Variants in AMMECR1 observed in about 807,000 individuals in gnomAD.
The protein encoded by AMMECR1 is AMMECR nuclear protein 1.
In AMMECR1, 3 loss-of-function variants were observed where a neutral mutation model predicts 22.5. That is an observed-to-expected ratio of 0.13 (90% CI 0.06 to 0.35). AMMECR1 has a LOEUF of 0.35. AMMECR1 is among the 10% of genes least tolerant of loss of function. The pLI is 1.00. For missense variants in AMMECR1, 235 were observed against 278.7 expected (o/e 0.84, Z 1.12); for synonymous variants, 130 against 116.7 (o/e 1.11, Z -0.74).
At chrX:110,428,059 T>G (rs1466138664) in intron 1 of AMMECR1, among the ~76,000 whole-genome samples, 2 of 112,393 alleles carry the variant, frequency 1.8e-5, no homozygotes, top group African/African-American at 3.2e-5. Context: ...TGTTCTTCTC[T>G]GGTTAGTTGT....
intron 2 of AMMECR1, among the ~76,000 whole-genome samples, chrX:110,356,406 C>T (rs761325935): frequency 1.2e-4 from 13 of 110,180 alleles, no homozygotes; most frequent in South Asian, 3.9e-4. Flanking sequence ...CCACCTGCCT[C>T]GGCCTCCCAA....
chrX:110,211,224 T>C (rs1156581513), intron 3 of AMMECR1, among the ~76,000 whole-genome samples: 1 of 112,626 alleles, frequency 8.9e-6, no homozygotes, highest in Non-Finnish European at 1.9e-5. Context: ...GATTACAATT[T>C]AGAAAATATT....
chrX:110,324,643 TGA>T (rs752354863), intron 2 of AMMECR1, among the ~76,000 whole-genome samples: 74 of 104,788 alleles, frequency 7.1e-4, no homozygotes, highest in Non-Finnish European at 1.4e-3. Flanking sequence ...GGTAGTTTGT[TGA>T]GTGTTTTTTT....
chrX:110,339,423 A>C (rs2068154549), intron 2 of AMMECR1, among the ~76,000 whole-genome samples: 2 of 108,134 alleles, frequency 1.8e-5, no homozygotes, highest in Admixed American at 9.9e-5. Context: ...AAAAAAAAAA[A>C]AACAAAAAAA....
intron 2 of AMMECR1, chrX:110,219,595 T>G: frequency 4.0e-6 from 3 of 751,578 alleles, no homozygotes; most frequent in Non-Finnish European, 4.7e-6. Flanking sequence ...AGCCTTGTTG[T>G]TTGTTCACTC....
At chrX:110,400,133 A>C (rs2068554314) in intron 2 of AMMECR1, among the ~76,000 whole-genome samples, 2 of 108,597 alleles carry the variant, frequency 1.8e-5, no homozygotes, top group Non-Finnish European at 3.8e-5. Flanking sequence ...AAGTTTTGGC[A>C]GCGCAGTAAA....
At chrX:110,274,260 G>T (rs2067814226) in intron 1 of AMMECR1, among the ~76,000 whole-genome samples, 2 of 111,972 alleles carry the variant, frequency 1.8e-5, no homozygotes, top group African/African-American at 6.5e-5. Context: ...TGTCAGTTAG[G>T]TCCAGTTGGT....
chrX:110,284,450 T>C (rs1266514787), intron 1 of AMMECR1, among the ~76,000 whole-genome samples: 1 of 112,099 alleles, frequency 8.9e-6, no homozygotes, highest in Non-Finnish European at 1.9e-5. Flanking sequence ...AAACCTAACA[T>C]CAGGGTAGCT....
chrX:110,414,514 A>G (rs1261167423), intron 2 of AMMECR1, among the ~76,000 whole-genome samples: 1 of 113,239 alleles, frequency 8.8e-6, no homozygotes, highest in Non-Finnish European at 1.9e-5. Context: ...TAATCCTGCC[A>G]GCAGCCCTGC....
At chrX:110,388,232 C>CT (rs1161632797) in intron 2 of AMMECR1, among the ~76,000 whole-genome samples, 1 of 111,722 alleles carries the variant, frequency 9.0e-6, no homozygotes, top group East Asian at 2.8e-4. Context: ...TCAAGTTTTT[C>CT]TATGAAAGCC....
At chrX:110,369,770 T>G (rs2148260294) in intron 2 of AMMECR1, among the ~76,000 whole-genome samples, 1 of 112,206 alleles carries the variant, frequency 8.9e-6, no homozygotes, top group African/African-American at 3.2e-5. Flanking sequence ...TACACACTAT[T>G]TTTTATATTT....
chrX:110,418,287 A>G (rs765138105), intron 2 of AMMECR1, among the ~76,000 whole-genome samples: 3 of 112,316 alleles, frequency 2.7e-5, no homozygotes, highest in Admixed American at 9.4e-5. Flanking sequence ...CTCTGCCCCA[A>G]AGGCTTTTCA....
chrX:110,235,493 A>C (rs976779205), intron 2 of AMMECR1, among the ~76,000 whole-genome samples: 14 of 112,603 alleles, frequency 1.2e-4, no homozygotes, highest in Admixed American at 1.1e-3. Flanking sequence ...ATATACCCAA[A>C]GGATTATAAA....
intron 2 of AMMECR1, among the ~76,000 whole-genome samples, chrX:110,242,520 C>T (rs1334010705): frequency 1.8e-5 from 2 of 111,845 alleles, no homozygotes; most frequent in Admixed American, 9.5e-5. Context: ...TCTTTATATG[C>T]TGGGTTAATC....
At position 110,200,992 on chromosome X, in the gene AMMECR1, C is replaced by A; in HGVS notation, c.849G>T (p.Pro283=). 8.3e-7 allele frequency: 1 copy of A among 1,208,925 alleles called. No individual in the cohort carries two copies. The highest frequency in any genetic ancestry group is 1.1e-6 in the Non-Finnish European group (1 of 893,359). The change falls in exon 5 of 6, where the codon CCG becomes CCT. Residue 283 remains proline, a synonymous_variant. Transcript: ENST00000262844. ...TGGTTTTCCTGAATTCATTAGTAAT[C>A]GGAGCTTTGTATCCTCCTTTCCTCA... is the stretch of plus-strand genomic sequence containing the variant. ...SLLRKGGYKA[P]ITNEFRKTIK...
chrX:110,319,489 T>C (rs1057439424), upstream of AMMECR1, among the ~76,000 whole-genome samples: 18 of 112,223 alleles, frequency 1.6e-4, no homozygotes, highest in Middle Eastern at 4.6e-3. Context: ...TATACTTCTG[T>C]TGAAATCCAG....
chrX:110,370,349 C>T (rs1017730978), intron 2 of AMMECR1, among the ~76,000 whole-genome samples: 5 of 111,569 alleles, frequency 4.5e-5, no homozygotes, highest in Non-Finnish European at 9.4e-5. Flanking sequence ...GCTAGGATTA[C>T]AGGCACCTGC....
chrX:110,318,142 G>C, upstream of AMMECR1: 2 of 957,981 alleles, frequency 2.1e-6, no homozygotes, highest in Non-Finnish European at 2.6e-6. Flanking sequence ...GGGCGAGCAC[G>C]CTGCGGCTCA....
Position 110,364,583 on chromosome X carries a change from T to G in AMMECR1, c.-147-46734A>C, listed in dbSNP as rs2068284899. ...ACATTTTGGCTTCCAAATTATTGCCTTATAAGTTTAGGTTGTGTGAAATTT... is the reference window on the plus strand; with the variant it reads ...ACATTTTGGCTTCCAAATTATTGCCGTATAAGTTTAGGTTGTGTGAAATTT... On this transcript the variant is annotated intron_variant, in intron 2 of 7. Coordinates refer to the AMMECR1 transcript ENST00000372057. 4.5e-5 allele frequency among the ~76,000 whole-genome samples: 5 copies of G among 111,456 alleles called. No individual in the cohort carries two copies. In the Admixed American group the frequency reaches 4.8e-4, roughly 11 times the overall value.
Sources: allele counts gnomAD v4.1 joint callset (sites outside exome capture counted in the v4.1 genomes callset), GRCh38; gene constraint gnomAD v4.1.1; transcripts MANE v1.5; gene names NCBI Gene and HGNC (gene_info 2026-07-23, HGNC 2026-07-21).